Variants in ARHGEF6 observed in about 807,000 individuals in gnomAD.
ARHGEF6 encodes Rac/Cdc42 guanine nucleotide exchange factor 6, also known as rho guanine nucleotide exchange factor 6.
A neutral mutation model predicts 70.3 loss-of-function variants in ARHGEF6; 9 were observed. The observed-to-expected ratio is 0.13, with a 90% CI of 0.08 to 0.22. The LOEUF (loss-of-function observed/expected upper bound fraction) is 0.22. Among genes scored for constraint, ARHGEF6 ranks in the 10% least tolerant of loss-of-function variants. ARHGEF6 has a pLI of 1.00. For missense variants in ARHGEF6, 470 were observed against 563.0 expected (o/e 0.83, Z 1.67); for synonymous variants, 201 against 207.8 (o/e 0.97, Z 0.28).
At chrX:136,734,552 A>C (rs1224970236) in intron 5 of ARHGEF6, among the ~76,000 whole-genome samples, 1 of 111,925 alleles carries the variant, frequency 8.9e-6, no homozygotes, top group Non-Finnish European at 1.9e-5. Flanking sequence ...ATAAGGTGTC[A>C]CTGGAGAATT....
intron 2 of ARHGEF6, among the ~76,000 whole-genome samples, chrX:136,758,226 T>G (rs1190657171): frequency 9.3e-6 from 1 of 107,036 alleles, no homozygotes; most frequent in East Asian, 2.9e-4. Flanking sequence ...AATTTTTTTG[T>G]ATTTTTAGTA....
chrX:136,747,400 A>T, intron 3 of ARHGEF6, 108 bp downstream of exon 3: 2 of 717,241 alleles, frequency 2.8e-6, no homozygotes, highest in Middle Eastern at 2.9e-4. Context: ...GCAAGGGGAA[A>T]ATTTGCATCA....
At chrX:136,778,490 CTT>C (rs141921963) in intron 2 of ARHGEF6, among the ~76,000 whole-genome samples, 3 of 102,155 alleles carry the variant, frequency 2.9e-5, no homozygotes, top group African/African-American at 3.5e-5. Flanking sequence ...TTATTTGATT[CTT>C]TTTTTTTTTT....
In ARHGEF6 at chrX:136,679,789, C is replaced by G. The variant is rs1032639574; in HGVS notation, c.1705-129G>C. ...CCATAGAAAGGGATAGATGGAAAAA[C>G]AAAAGTCTCTAGTTTGAGAACTGGT... On this transcript the variant is annotated intron_variant, in intron 15 of 21. Transcript: ENST00000250617. 4 of 864,010 alleles carry G rather than the reference C, an allele frequency of 4.6e-6. No individual in the cohort carries two copies. In the African/African-American group the frequency reaches 8.0e-5, roughly 17 times the overall value. The allele number at this position is 864,010 out of a possible 1,213,427, so 71.2% of individuals were successfully genotyped here.
At chrX:136,744,089 C>T (rs1226299141) in intron 4 of ARHGEF6, among the ~76,000 whole-genome samples, 1 of 111,672 alleles carries the variant, frequency 9.0e-6, no homozygotes, top group African/African-American at 3.3e-5. Context: ...AGCCAGATAA[C>T]AAAGTAGAGT....
chrX:136,736,618 G>GGT (rs1556295145), intron 5 of ARHGEF6, among the ~76,000 whole-genome samples: 1,547 of 103,659 alleles, frequency 0.015, 16 homozygotes, highest in East Asian at 0.02. Flanking sequence ...GTTAAAAAGA[G>GGT]GTGTGTGTGT....
At chrX:136,717,102 A>G (rs1397998121) in intron 6 of ARHGEF6, among the ~76,000 whole-genome samples, 1 of 112,238 alleles carries the variant, frequency 8.9e-6, no homozygotes, top group Non-Finnish European at 1.9e-5. Flanking sequence ...CAGACACCAA[A>G]TCACAGATCC....
chrX:136,751,696 T>C (rs942349323), intron 2 of ARHGEF6, among the ~76,000 whole-genome samples: 1 of 110,960 alleles, frequency 9.0e-6, no homozygotes, highest in Admixed American at 9.6e-5. Context: ...TGTAAGGACA[T>C]AGAGAGAAGG....
intron 3 of ARHGEF6, 38 bp from the exon 4 acceptor site, chrX:136,745,385 C>A: frequency 1.7e-6 from 2 of 1,205,104 alleles, no homozygotes; most frequent in Non-Finnish European, 2.2e-6. Context: ...AGGAACCACT[C>A]AGATCAGAAA....
In ARHGEF6 at chrX:136,763,474, C is replaced by G. The variant is rs2077282905; in HGVS notation, c.250-15882G>C. On this transcript the variant is annotated intron_variant, in intron 2 of 21. Transcript: ENST00000250617. Reference sequence around the variant, plus strand: ...GTCATTCTATCAATCTTTCATCTAACAAACCCTTCCTAAGCACTTGCTCTG... The same window carrying G: ...GTCATTCTATCAATCTTTCATCTAAGAAACCCTTCCTAAGCACTTGCTCTG... Among the ~76,000 whole-genome samples, 5 of 112,247 alleles carry G rather than the reference C, an allele frequency of 4.5e-5. No individual in the cohort carries two copies. In the South Asian group the frequency reaches 1.9e-3, roughly 42 times the overall value.
intron 20 of ARHGEF6, among the ~76,000 whole-genome samples, chrX:136,670,889 T>C (rs764581657): frequency 9.0e-6 from 1 of 111,551 alleles, no homozygotes; most frequent in African/African-American, 3.3e-5. Context: ...TCTGGGTCTC[T>C]CCCTGGACAA....
chrX:136,761,777 G>C (rs1380533136), intron 2 of ARHGEF6, among the ~76,000 whole-genome samples: 4 of 112,322 alleles, frequency 3.6e-5, no homozygotes, highest in Non-Finnish European at 7.5e-5. Context: ...CTGCCGAATA[G>C]AGCATAGTAC....
intron 2 of ARHGEF6, among the ~76,000 whole-genome samples, chrX:136,758,434 T>C (rs778794487): frequency 2.8e-4 from 31 of 110,942 alleles, no homozygotes; most frequent in Middle Eastern, 4.6e-3. Flanking sequence ...ATGAAGTTAC[T>C]GCCTGAGATC....
At chrX:136,771,660 A>T (rs955561873) in intron 2 of ARHGEF6, among the ~76,000 whole-genome samples, 5 of 112,489 alleles carry the variant, frequency 4.4e-5, no homozygotes, top group Non-Finnish European at 7.5e-5. Flanking sequence ...TCTTCAAGAC[A>T]TTTGATTATG....
At chrX:136,677,977 A>C (rs771926399) in intron 16 of ARHGEF6, 21 bp from the exon 17 acceptor site, 1 of 1,193,007 alleles carries the variant, frequency 8.4e-7, no homozygotes, top group Non-Finnish European at 1.1e-6. Flanking sequence ...TATGTAAAGA[A>C]AGAGAAGATG....
intron 9 of ARHGEF6, among the ~76,000 whole-genome samples, chrX:136,705,937 A>C (rs1314958301): frequency 8.9e-6 from 1 of 112,320 alleles, no homozygotes. Context: ...GGGAGCTCAA[A>C]TCTAGGTCAG....
rs1034646270 is a variant in ARHGEF6 at position 136,714,644 on chromosome X, A to G, written c.733-1274T>C. On this transcript the variant is annotated intron_variant, in intron 6 of 21. Transcript: ENST00000250617. ...CTACCAATATGCCAGCCATATACTC[A>G]CAAGACAATGCATGATGATCTGCTT... Among the ~76,000 whole-genome samples, 3 of 111,743 alleles carry G rather than the reference A, an allele frequency of 2.7e-5. No individual in the cohort carries two copies. In the Admixed American group the frequency reaches 2.9e-4, roughly 11 times the overall value.
chrX:136,779,351 C>A, intron 2 of ARHGEF6, 63 bp downstream of exon 2: 1 of 1,013,271 alleles, frequency 9.9e-7, no homozygotes. Flanking sequence ...ACTCTTACTA[C>A]CAATCTTGAT....
At chrX:136,728,865 C>T (rs1473714994) in intron 6 of ARHGEF6, among the ~76,000 whole-genome samples, 1 of 110,043 alleles carries the variant, frequency 9.1e-6, no homozygotes, top group African/African-American at 3.3e-5. Context: ...GAAACTTACA[C>T]TATCAGCTCT....
Sources: gnomAD v4.1 joint callset for allele counts (sites outside exome capture counted in the v4.1 genomes callset) on GRCh38, gnomAD v4.1.1 for gene constraint, MANE v1.5 for transcripts, NCBI Gene and HGNC (gene_info 2026-07-23, HGNC 2026-07-21) for gene names.